The following GBX1 variants were observed in gnomAD, a reference collection of about 807,000 sequenced individuals.
GBX1 encodes the protein gastrulation brain homeobox 1.
A neutral mutation model predicts 22.9 loss-of-function variants in GBX1; 9 were observed. The observed-to-expected ratio is 0.39, with a 90% CI of 0.24 to 0.69. GBX1 has a LOEUF of 0.69. Ranked by LOEUF, GBX1 falls within the 30% of genes least tolerant of loss-of-function variation. The probability of loss-of-function intolerance (pLI) is 0.43; values close to 1 mark genes in which losing one functional copy is unlikely to be tolerated. For synonymous variants in GBX1, 203 were observed against 227.3 expected (o/e 0.89, Z 0.96); for missense variants, 494 against 509.2 (o/e 0.97, Z 0.29).
Position 151,156,425 on chromosome 7 carries a change from AAGAG to A in GBX1, c.539-7287_539-7284del, listed in dbSNP as rs1286654271. ...AAAAAAAAAAAAAAAAACGAAAAAA[AAGAG>A]AGAGAAAGAAAAAGATCTCATCCCT... On this transcript the variant is annotated intron_variant, in intron 1 of 1. Coordinates refer to ENST00000297537, the MANE Select transcript of GBX1 (RefSeq NM_001098834.3). 1.5e-4 allele frequency among the ~76,000 whole-genome samples: 23 copies of A among 150,886 alleles called. No homozygotes were observed. In the East Asian group the frequency reaches 3.1e-3, roughly 20 times the overall value.
Position 151,167,489 on chromosome 7 carries a change from G to A in GBX1, c.60C>T (p.Gly20=). The change falls in exon 1 of 2, where the codon GGC becomes GGT. Residue 20 remains glycine (G), a synonymous_variant. Coordinates refer to ENST00000297537, the MANE Select transcript of GBX1 (RefSeq NM_001098834.3). This position sits in a 1 kb window ranked among gnomAD's most constrained non-coding sequence, Gnocchi z 5.9. ...AGTCGATGGAGAAGGCAGTGCCCGGGCCCCCGCCGCCGCCCCCGCCGTTGC... is the reference window on the plus strand; with the variant it reads ...AGTCGATGGAGAAGGCAGTGCCCGGACCCCCGCCGCCGCCCCCGCCGTTGC... ...PGGNGGGGGG[G]PGTAFSIDSL... 2.7e-6 allele frequency: 4 copies of A among 1,486,712 alleles called. No homozygotes were observed. The highest frequency in any genetic ancestry group is 2.4e-5 in the Admixed American group (1 of 42,498). The allele number at this position is 1,486,712 out of a possible 1,614,324, so 92.1% of individuals were successfully genotyped here.
intron 1 of GBX1, among the ~76,000 whole-genome samples, chr7:151,166,389 G>C (rs1042366050): frequency 6.6e-6 from 1 of 151,328 alleles, no homozygotes; most frequent in Non-Finnish European, 1.5e-5. Context: ...GCCTCCTGTA[G>C]CTAATGTTCT....
chr7:151,148,477 C>G lies in GBX1; in HGVS notation c.*112G>C. On this transcript the variant is annotated 3_prime_UTR_variant, in exon 2 of 2. Coordinates refer to ENST00000297537, the MANE Select transcript of GBX1 (RefSeq NM_001098834.3). This position sits in a 1 kb window ranked among gnomAD's most constrained non-coding sequence, Gnocchi z 5.1. ...CAGGGCTAGGTTAATTGCCAACTAG[C>G]CCCTCTCAAGGCAGAATCACAGTTG... is the stretch of plus-strand genomic sequence containing the variant. 4.9e-6 allele frequency: 5 copies of G among 1,028,440 alleles called. No individual in the cohort carries two copies. The highest frequency in any genetic ancestry group is 7.0e-6 in the Non-Finnish European group (5 of 709,670). The allele number at this position is 1,028,440 out of a possible 1,614,324, so 63.7% of individuals were successfully genotyped here. A position where few individuals can be genotyped will look rare whatever the true frequency, so the allele number is the denominator to read the frequency against.
chr7:151,159,906 T>C (rs1214629223), intron 1 of GBX1, among the ~76,000 whole-genome samples: 1 of 152,150 alleles, frequency 6.6e-6, no homozygotes, highest in Non-Finnish European at 1.5e-5. Flanking sequence ...TACACAGTCA[T>C]AGCTTGGGTA....
chr7:151,149,726 A>G (rs934993348), intron 1 of GBX1: 12 of 338,492 alleles, frequency 3.5e-5, no homozygotes, highest in African/African-American at 2.4e-4. Flanking sequence ...AGCTGACGAG[A>G]GCTGTCTCAT....
Position 151,148,880 on chromosome 7 carries a change from T to G in GBX1, c.801A>C (p.Ala267=). The G allele has an allele frequency of 6.2e-7, 1 of 1,614,194 alleles. No homozygotes were observed. Among genetic ancestry groups the G allele is most frequent in the Non-Finnish European group, 8.5e-7 (1 of 1,180,040 alleles). ...PGGKSRRRRT[A]FTSEQLLELE... ...ATTCCAAAAGCTGCTCGCTGGTAAATGCTGTGCGGCGCCGTCGGCTTTTCC... is the reference window on the plus strand; with the variant it reads ...ATTCCAAAAGCTGCTCGCTGGTAAAGGCTGTGCGGCGCCGTCGGCTTTTCC... The change falls in exon 2 of 2, where the codon GCA becomes GCC. Residue 267 remains alanine (A), a synonymous_variant. Transcript: ENST00000297537. This position sits in a 1 kb window ranked among gnomAD's most constrained non-coding sequence, Gnocchi z 5.1.
At chr7:151,150,005 G>C (rs772494700) in intron 1 of GBX1, 1 of 454,758 alleles carries the variant, frequency 2.2e-6, no homozygotes, top group South Asian at 1.6e-5. Context: ...CCCTAAGCTT[G>C]ATGTCAGCTG....
intron 1 of GBX1, among the ~76,000 whole-genome samples, chr7:151,154,285 A>T (rs113683312): frequency 0.015 from 2,330 of 152,360 alleles, 59 homozygotes; most frequent in African/African-American, 0.052. Context: ...AATAAGAATT[A>T]AAAATGTTAC....
At chr7:151,165,678 C>T (rs75765171) in intron 1 of GBX1, among the ~76,000 whole-genome samples, 6,675 of 152,208 alleles carry the variant, frequency 0.044, 217 homozygotes, top group Middle Eastern at 0.068. Context: ...ACTGGGTCTT[C>T]CTGATCCAAC....
At chr7:151,150,027 A>G (rs773573238) in intron 1 of GBX1, 7 of 448,816 alleles carry the variant, frequency 1.6e-5, no homozygotes, top group South Asian at 1.1e-4. Flanking sequence ...GAGGACTGGA[A>G]GGAATATGGG....
intron 1 of GBX1, among the ~76,000 whole-genome samples, chr7:151,154,063 C>A (rs1563548743): frequency 6.6e-6 from 1 of 152,110 alleles, no homozygotes; most frequent in Non-Finnish European, 1.5e-5. Context: ...CATGGTGAAA[C>A]CCTGTCTCTA....
In GBX1 at chr7:151,167,159, G is replaced by C; in HGVS notation, c.390C>G (p.Ala130=). 6.5e-7 allele frequency: 1 copy of C among 1,549,090 alleles called. No individual in the cohort carries two copies. Reference sequence around the variant, plus strand: ...GCTCGGGGTTGTTTCGGGCGGCAGTGGCGGCGGCGGCGGCAGCGGCGGCGG... The same window carrying C: ...GCTCGGGGTTGTTTCGGGCGGCAGTCGCGGCGGCGGCGGCAGCGGCGGCGG... The part of the protein sequence containing the change: ...ELAAAAAAAA[A]TAARNNPEPG... The change falls in exon 1 of 2, where the codon GCC becomes GCG. Residue 130 remains alanine, a synonymous_variant. Coordinates refer to ENST00000297537, the MANE Select transcript of GBX1 (RefSeq NM_001098834.3). This position sits in a 1 kb window ranked among gnomAD's most constrained non-coding sequence, Gnocchi z 5.9.
intron 1 of GBX1, among the ~76,000 whole-genome samples, chr7:151,157,844 A>G (rs1584803913): frequency 6.6e-6 from 1 of 152,352 alleles, no homozygotes. Flanking sequence ...CTAGCGAATT[A>G]GTCATCCCAG....
chr7:151,165,165 T>G, intron 1 of GBX1, among the ~76,000 whole-genome samples: 1 of 152,238 alleles, frequency 6.6e-6, no homozygotes. Flanking sequence ...CTATTCTTGT[T>G]TCATCAGTAT....
Position 151,164,776 on chromosome 7 carries a change from C to CTTTTTTTTTTTTTTTTTTTTTTTTT in GBX1, c.538+2234_538+2235insAAAAAAAAAAAAAAAAAAAAAAAAA, listed in dbSNP as rs71533521. 5.7e-5 allele frequency among the ~76,000 whole-genome samples: 6 copies of CTTTTTTTTTTTTTTTTTTTTTTTTT among 104,386 alleles called. 1 individual carries two copies. Among genetic ancestry groups the CTTTTTTTTTTTTTTTTTTTTTTTTT allele is most frequent in the Admixed American group, 1.2e-4 (1 of 8,288 alleles). 68.5% of individuals were successfully genotyped at this position (104,386 alleles called of 152,430 possible). A position where few individuals can be genotyped will look rare whatever the true frequency, so the allele number is the denominator to read the frequency against. On this transcript the variant is annotated intron_variant, in intron 1 of 1. Coordinates refer to ENST00000297537, the MANE Select transcript of GBX1 (RefSeq NM_001098834.3). ...CTCCAAGAACAACACAAATTTCCCT[C>CTTTTTTTTTTTTTTTTTTTTTTTTT]TTTTTTTTTTTTTTTTTTTTGCTTT... is the stretch of plus-strand genomic sequence containing the variant.
chr7:151,163,910 A>G (rs1264288627), intron 1 of GBX1, among the ~76,000 whole-genome samples: 1 of 152,034 alleles, frequency 6.6e-6, no homozygotes, highest in East Asian at 1.9e-4. Flanking sequence ...TTTCTACCCA[A>G]TTACTTCTAT....
chr7:151,154,290 T>C lies in GBX1; in HGVS notation c.539-5148A>G, dbSNP rs1414351703. On this transcript the variant is annotated intron_variant, in intron 1 of 1. Transcript: ENST00000297537. ...ACGATAAATAAATAAGAATTAAAAA[T>C]GTTACATGGAAAATTGCAAGTTGTT... 2.0e-5 allele frequency among the ~76,000 whole-genome samples: 3 copies of C among 152,136 alleles called. No individual in the cohort carries two copies. The East Asian group carries it at 5.8e-4, about 29-fold the overall frequency.
At chr7:151,155,699 C>T (rs1300839376) in intron 1 of GBX1, among the ~76,000 whole-genome samples, 1 of 152,134 alleles carries the variant, frequency 6.6e-6, no homozygotes, top group African/African-American at 2.4e-5. Context: ...GACCTCCTTT[C>T]AGGGCATACT....
chr7:151,167,581 C>T lies in GBX1; in HGVS notation c.-33G>A. The T allele has an allele frequency of 1.5e-6, 2 of 1,361,128 alleles. No individual in the cohort carries two copies. The highest frequency in any genetic ancestry group is 2.7e-4 in the Middle Eastern group (1 of 3,684). The allele number at this position is 1,361,128 out of a possible 1,614,324, so 84.3% of individuals were successfully genotyped here. On this transcript the variant is annotated 5_prime_UTR_variant, in exon 1 of 2. Transcript: ENST00000297537. This position sits in a 1 kb window ranked among gnomAD's most constrained non-coding sequence, Gnocchi z 5.9. ...GGAGCTGCGGCCGCCCCGGGGCGCT[C>T]CTCTCTGGGCGCCTCCGTGCGCCCC...
Sources: allele counts gnomAD v4.1 joint callset (sites outside exome capture counted in the v4.1 genomes callset), GRCh38; gene constraint gnomAD v4.1.1; non-coding constraint Gnocchi (gnomAD v3.1); transcripts MANE v1.5; gene names NCBI Gene and HGNC (gene_info 2026-07-23, HGNC 2026-07-21).